Variants in LRBA observed in about 807,000 individuals in gnomAD.
LRBA encodes lipopolysaccharide-responsive and beige-like anchor protein.
A neutral mutation model predicts 330.0 loss-of-function variants in LRBA; 176 were observed. The ratio of observed to expected loss-of-function variants is 0.53; its 90% CI spans 0.47 to 0.60. The LOEUF (loss-of-function observed/expected upper bound fraction) is 0.60, where lower values mean the gene tolerates loss of function less well. LRBA is among the 20% of genes least tolerant of loss of function. The pLI, the probability that LRBA is intolerant of heterozygous loss-of-function variation, is 0.00. For synonymous variants in LRBA, 1,230 were observed against 1,193.0 expected, an observed-to-expected ratio of 1.03 and a Z score of -0.64; for missense variants, 3,259 against 3,444.8, an observed-to-expected ratio of 0.95 and a Z score of 1.35.
At position 150,820,532 on chromosome 4, in the gene LRBA, A is replaced by T. The variant is rs1444227951; in HGVS notation, c.5172-3275T>A. 4.6e-5 allele frequency among the ~76,000 whole-genome samples: 7 copies of T among 152,182 alleles called. No individual in the cohort carries two copies. The South Asian group carries it at 1.4e-3, about 32-fold the overall frequency. On this transcript the variant is annotated intron_variant, in intron 30 of 56. Transcript: ENST00000651943. ...AATACATCTGCTCATAAATTTTTAA[A>T]AGCTGAATTATTTCATATAGCTACA...
chr4:150,287,140 T>C (rs1311386045), intron 53 of LRBA, among the ~76,000 whole-genome samples: 2 of 152,190 alleles, frequency 1.3e-5, no homozygotes, highest in Non-Finnish European at 2.9e-5. Context: ...CCACCAGCTA[T>C]GGAACTCTGT....
chr4:150,552,261 A>G (rs1766701156), intron 40 of LRBA, among the ~76,000 whole-genome samples: 1 of 152,172 alleles, frequency 6.6e-6, no homozygotes, highest in South Asian at 2.1e-4. Context: ...TCCAAAAAAT[A>G]GTCAAGTCAG....
chr4:150,636,147 T>TACCTAC (rs1216615555), intron 37 of LRBA, among the ~76,000 whole-genome samples: 1 of 140,216 alleles, frequency 7.1e-6, no homozygotes, highest in Non-Finnish European at 1.5e-5. Flanking sequence ...GATGACATGG[T>TACCTAC]ACCTACCAAG....
rs28704694 is a variant in LRBA at position 150,613,398 on chromosome 4, T to G, written c.5922-14267A>C. On this transcript the variant is annotated intron_variant, in intron 37 of 56. Coordinates refer to ENST00000651943, the MANE Select transcript of LRBA (RefSeq NM_001364905.1). ...ATTGAGTCAAAGAGTTAACAGATGT[T>G]AACCAGAATAAGAAAAGGAAAATCA... Among the ~76,000 whole-genome samples, 933 of 152,326 alleles carry G rather than the reference T, an allele frequency of 6.1e-3. 5 individuals carry two copies. The highest frequency in any genetic ancestry group is 0.022 in the African/African-American group (902 of 41,576).
chr4:150,928,434 T>C, intron 4 of LRBA, 82 bp downstream of exon 4: 1 of 791,292 alleles, frequency 1.3e-6, no homozygotes, highest in Non-Finnish European at 2.1e-6. Flanking sequence ...CCATGTATAA[T>C]AATATCAGTT....
intron 35 of LRBA, among the ~76,000 whole-genome samples, chr4:150,758,271 G>A (rs1734583101): frequency 2.0e-5 from 3 of 152,164 alleles, no homozygotes; most frequent in African/African-American, 7.2e-5. Flanking sequence ...ATCCTGCTTT[G>A]TTCTAAATGA....
chr4:150,413,395 T>C (rs929569796), intron 47 of LRBA, among the ~76,000 whole-genome samples: 2 of 152,012 alleles, frequency 1.3e-5, no homozygotes, highest in African/African-American at 4.8e-5. Flanking sequence ...GTCCATTAAC[T>C]AGTAAAGAGA....
intron 47 of LRBA, among the ~76,000 whole-genome samples, chr4:150,403,403 C>T (rs564383145): frequency 6.6e-6 from 1 of 152,184 alleles, no homozygotes; most frequent in Non-Finnish European, 1.5e-5. Flanking sequence ...CTCGCAGAAA[C>T]GATGACTACC....
chr4:150,546,463 T>A (rs1765872550), intron 40 of LRBA, among the ~76,000 whole-genome samples: 1 of 152,214 alleles, frequency 6.6e-6, no homozygotes, highest in Non-Finnish European at 1.5e-5. Flanking sequence ...ATAATACGGA[T>A]TAAACTTTCT....
At chr4:150,511,223 C>T (rs978630198) in intron 40 of LRBA, among the ~76,000 whole-genome samples, 5 of 152,150 alleles carry the variant, frequency 3.3e-5, no homozygotes, top group Admixed American at 3.3e-4. Flanking sequence ...TGTCATTAGT[C>T]CAATTGAGAC....
chr4:150,338,846 A>G (rs1735085187), intron 48 of LRBA, among the ~76,000 whole-genome samples: 2 of 152,272 alleles, frequency 1.3e-5, no homozygotes, highest in Middle Eastern at 6.8e-3. Flanking sequence ...TACCAATTTG[A>G]GGATGAGAGC....
Position 150,436,705 on chromosome 4 carries a change from T to C in LRBA, c.6921+19A>G. The C allele has an allele frequency of 6.2e-7, 1 of 1,603,278 alleles. No homozygotes were observed. Among genetic ancestry groups the C allele is most frequent in the Non-Finnish European group, 8.5e-7 (1 of 1,172,322 alleles). ...ACTGAATTTATTTAGCCATGGTGTA[T>C]TATTCAAATTGAACTTACTATTCTT... On this transcript the variant is annotated intron_variant, in intron 45 of 56. Coordinates refer to ENST00000651943, the MANE Select transcript of LRBA (RefSeq NM_001364905.1).
intron 47 of LRBA, among the ~76,000 whole-genome samples, chr4:150,365,680 A>G (rs1020813556): frequency 1.3e-5 from 2 of 151,558 alleles, no homozygotes; most frequent in Non-Finnish European, 2.9e-5. Flanking sequence ...AATCCCAGCT[A>G]CTCAGGAGGC....
Position 150,852,340 on chromosome 4 carries a change from T to A in LRBA, c.3370A>T (p.Asn1124Tyr). The A allele has an allele frequency of 6.2e-6, 10 of 1,613,970 alleles. No homozygotes were observed. Among genetic ancestry groups the A allele is most frequent in the Non-Finnish European group, 8.5e-6 (10 of 1,180,018 alleles). ...KVEGSPTEEA[N>Y]LPTELQDNSL... Reference sequence around the variant, plus strand: ...TTATCTTGGAGCTCTGTGGGTAGATTAGCTTCCTCAGTAGGACTGCCTTCT... The same window carrying A: ...TTATCTTGGAGCTCTGTGGGTAGATAAGCTTCCTCAGTAGGACTGCCTTCT... Residue 1124 changes from asparagine to tyrosine, a missense_variant, in exon 23 of 57, where the codon AAT (asparagine) becomes TAT (tyrosine). Asn to Tyr is a moderately radical substitution (Grantham distance 143). Transcript: ENST00000651943.
chr4:150,913,525 A>ATGTATACTACTGCTAAATACATTGGGC (rs1732245467), intron 9 of LRBA, among the ~76,000 whole-genome samples: 1 of 152,226 alleles, frequency 6.6e-6, no homozygotes, highest in Non-Finnish European at 1.5e-5. Flanking sequence ...ATCGAGTGTT[A>ATGTATACTACTGCTAAATACATTGGGC]TGTATACTAC....
intron 22 of LRBA, among the ~76,000 whole-genome samples, chr4:150,862,133 G>A (rs1019110172): frequency 9.2e-5 from 14 of 152,210 alleles, no homozygotes. Flanking sequence ...AATTCCTCAA[G>A]GTTCTAGAAC....
At chr4:150,894,921 A>C (rs1380434475) in intron 16 of LRBA, among the ~76,000 whole-genome samples, 1 of 152,208 alleles carries the variant, frequency 6.6e-6, no homozygotes, top group Non-Finnish European at 1.5e-5. Flanking sequence ...CAAGAGGAAA[A>C]AATATCATAA....
At chr4:150,934,564 CT>C in intron 2 of LRBA, among the ~76,000 whole-genome samples, 1 of 152,218 alleles carries the variant, frequency 6.6e-6, no homozygotes, top group African/African-American at 2.4e-5. Context: ...CTACAGAAAT[CT>C]TTTTTAATTG....
intron 44 of LRBA, among the ~76,000 whole-genome samples, chr4:150,456,555 C>T (rs11737261): frequency 0.22 from 34,116 of 152,042 alleles, 4,484 homozygotes; most frequent in Non-Finnish European, 0.3. Flanking sequence ...GCTTGAGCTC[C>T]TTACATATTC....
Sources: allele counts gnomAD v4.1 joint callset (sites outside exome capture counted in the v4.1 genomes callset), GRCh38; gene constraint gnomAD v4.1.1; transcripts MANE v1.5; gene names NCBI Gene and HGNC (gene_info 2026-07-23, HGNC 2026-07-21).